Variants in HRH1 observed in about 807,000 individuals in gnomAD.
HRH1 encodes the protein histamine H1 receptor.
HRH1 carries 6 observed loss-of-function variants against 10.3 expected under a neutral mutation model. That is an observed-to-expected ratio of 0.58 (90% CI 0.32 to 1.15). The LOEUF is 1.15. Among genes scored for constraint, HRH1 ranks in the 50% most tolerant of loss-of-function variants. The pLI is 0.05. For synonymous variants in HRH1, 242 were observed against 236.7 expected (o/e 1.02, Z -0.21); for missense variants, 514 against 615.3 (o/e 0.84, Z 1.74).
chr3:11,220,473 C>T lies in HRH1; in HGVS notation c.-35-38530C>T, dbSNP rs190233407. Among the ~76,000 whole-genome samples the T allele has an allele frequency of 1.5e-4, 23 of 152,330 alleles. No homozygotes were observed. The East Asian group carries it at 4.2e-3, about 28-fold the overall frequency. ...CTGCCGGTGCTTGGGTTTCCTACAA[C>T]CCAGTGCAGAGCCTGCAGCCACTCC... On this transcript the variant is annotated intron_variant, in intron 1 of 1. Coordinates refer to ENST00000431010, the MANE Select transcript of HRH1 (RefSeq NM_001098212.2).
intron 1 of HRH1, among the ~76,000 whole-genome samples, chr3:11,232,136 T>C (rs1288982128): frequency 2.6e-5 from 4 of 151,944 alleles, no homozygotes; most frequent in Non-Finnish European, 4.4e-5. Flanking sequence ...TACAGGTGCG[T>C]GCCACCGTGC....
intron 1 of HRH1, among the ~76,000 whole-genome samples, chr3:11,144,429 A>ATAGACCTATAGACG (rs1559249719): frequency 2.3e-5 from 1 of 44,368 alleles, no homozygotes; most frequent in African/African-American, 6.0e-5. Flanking sequence ...GTATATATAC[A>ATAGACCTATAGACG]TATAGACATA....
chr3:11,240,476 A>G (rs965827473), intron 1 of HRH1, among the ~76,000 whole-genome samples: 6 of 151,762 alleles, frequency 4.0e-5, no homozygotes, highest in Admixed American at 1.3e-4. Flanking sequence ...CCCGATCCCT[A>G]CCACTCCCTC....
chr3:11,204,727 C>G (rs1281245863), intron 1 of HRH1, among the ~76,000 whole-genome samples: 1 of 152,222 alleles, frequency 6.6e-6, no homozygotes, highest in Non-Finnish European at 1.5e-5. Context: ...ATCACCATCT[C>G]CAATTTACAA....
In HRH1 at chr3:11,191,834, A is replaced by G. The variant is rs141624612; in HGVS notation, c.-36+37280A>G. 2.1e-3 allele frequency among the ~76,000 whole-genome samples: 318 copies of G among 152,374 alleles called. 2 individuals are homozygous for G. The highest frequency in any genetic ancestry group is 7.3e-3 in the African/African-American group (302 of 41,594). ...CCCCTGCACATTCCTGGCCCAGCCC[A>G]TTAAATGCTATAGCAACCCTAGTCC... On this transcript the variant is annotated intron_variant, in intron 1 of 1. Transcript: ENST00000431010.
At chr3:11,185,855 G>A (rs568920002) in intron 1 of HRH1, among the ~76,000 whole-genome samples, 3 of 152,268 alleles carry the variant, frequency 2.0e-5, no homozygotes, top group South Asian at 2.1e-4. Flanking sequence ...CGTTGTTTAC[G>A]GTAACTTCTG....
intron 1 of HRH1, among the ~76,000 whole-genome samples, chr3:11,224,983 G>A (rs1036579340): frequency 2.6e-5 from 4 of 152,330 alleles, no homozygotes; most frequent in African/African-American, 9.6e-5. Context: ...TACCCAGGCA[G>A]GGAGAAGAGA....
At chr3:11,182,254 T>C (rs1937372305) in intron 1 of HRH1, among the ~76,000 whole-genome samples, 1 of 152,166 alleles carries the variant, frequency 6.6e-6, no homozygotes, top group Non-Finnish European at 1.5e-5. Flanking sequence ...AGTGCTGGGA[T>C]TACAAGTGTG....
At chr3:11,166,971 C>T (rs1937051534) in intron 1 of HRH1, among the ~76,000 whole-genome samples, 1 of 151,314 alleles carries the variant, frequency 6.6e-6, no homozygotes, top group African/African-American at 2.4e-5. Context: ...TCTGCTGCCC[C>T]CTGGCTTCTC....
chr3:11,173,503 T>A (rs568668984), intron 1 of HRH1, among the ~76,000 whole-genome samples: 2 of 151,950 alleles, frequency 1.3e-5, no homozygotes, highest in Admixed American at 6.6e-5. Flanking sequence ...CCCGGGTTCA[T>A]GCCATTCTCT....
At chr3:11,180,723 G>C (rs1416083100) in intron 1 of HRH1, among the ~76,000 whole-genome samples, 2 of 151,986 alleles carry the variant, frequency 1.3e-5, no homozygotes, top group Non-Finnish European at 2.9e-5. Context: ...GTCTGTGAGT[G>C]GTTTTTGTCA....
At position 11,259,605 on chromosome 3, in the gene HRH1, T is replaced by G; in HGVS notation, c.568T>G (p.Phe190Val). 6.2e-7 allele frequency: 1 copy of G among 1,613,972 alleles called. No homozygotes were observed. Among genetic ancestry groups the G allele is most frequent in the South Asian group, 1.1e-5 (1 of 91,060 alleles). ...CETDFYDVTWFKVMTAIINFY... is the reference protein window; with the variant it reads ...CETDFYDVTWVKVMTAIINFY... ...GACAGACTTCTATGATGTCACCTGG[T>G]TCAAGGTCATGACTGCCATCATCAA... Residue 190 changes from phenylalanine to valine, a missense_variant, in exon 2 of 2, where the codon TTC becomes GTC. Phe to Val is a conservative substitution (Grantham distance 50, BLOSUM62 -1). Coordinates refer to ENST00000431010, the MANE Select transcript of HRH1 (RefSeq NM_001098212.2). The surrounding 1 kb of genome is among the most constrained non-coding windows in gnomAD (Gnocchi z 4.6).
intron 1 of HRH1, among the ~76,000 whole-genome samples, chr3:11,145,657 T>C (rs1362696575): frequency 6.6e-6 from 1 of 152,124 alleles, no homozygotes; most frequent in Admixed American, 6.5e-5. Flanking sequence ...TTCAATGAAT[T>C]TTTGCCTGTC....
Position 11,232,886 on chromosome 3 carries a change from C to T in HRH1, c.-35-26117C>T, listed in dbSNP as rs540685113. Among the ~76,000 whole-genome samples, 3 of 152,312 alleles carry T rather than the reference C, an allele frequency of 2.0e-5. No homozygotes were observed. The East Asian group carries it at 5.8e-4, about 29-fold the overall frequency. On this transcript the variant is annotated intron_variant, in intron 1 of 1. Transcript: ENST00000431010. ...TCCCTTTATTCCTTATAGATATTTTCACTGAGTATAAGAGTCTGGGCTGAC... is the reference window on the plus strand; with the variant it reads ...TCCCTTTATTCCTTATAGATATTTTTACTGAGTATAAGAGTCTGGGCTGAC...
intron 1 of HRH1, among the ~76,000 whole-genome samples, chr3:11,190,144 C>T (rs1937513300): frequency 6.6e-6 from 1 of 151,998 alleles, no homozygotes; most frequent in Non-Finnish European, 1.5e-5. Context: ...GCCAAGGACC[C>T]AGGAATGCCT....
rs1474970480 is a variant in HRH1, at chr3:11,154,799, A to G, written c.-36+245A>G. 1.3e-5 allele frequency among the ~76,000 whole-genome samples: 2 copies of G among 152,000 alleles called. No homozygotes were observed. Among genetic ancestry groups the G allele is most frequent in the African/African-American group, 4.8e-5 (2 of 41,398 alleles). On this transcript the variant is annotated intron_variant, in intron 1 of 1. Coordinates refer to ENST00000431010, the MANE Select transcript of HRH1 (RefSeq NM_001098212.2). The surrounding 1 kb of genome is among the most constrained non-coding windows in gnomAD (Gnocchi z 4.4). ...ACTGTGGCCTCAGCACTCGACGCGC[A>G]GACACCTTTAGCTTCCCCGGGCTTG...
intron 1 of HRH1, among the ~76,000 whole-genome samples, chr3:11,139,003 TTTAGAAAGAA>T (rs1301099475): frequency 7.5e-6 from 1 of 134,008 alleles, no homozygotes; most frequent in African/African-American, 2.6e-5. Flanking sequence ...TTTTTTTTTT[TTTAGAAAGAA>T]TTTTGCTCTT....
At chr3:11,258,085 C>G (rs182113868) in intron 1 of HRH1, among the ~76,000 whole-genome samples, 1 of 152,140 alleles carries the variant, frequency 6.6e-6, no homozygotes, top group East Asian at 1.9e-4. Flanking sequence ...TTTCCAATAA[C>G]ATAATCCCCT....
At chr3:11,195,709 C>G (rs1411086824) in intron 1 of HRH1, among the ~76,000 whole-genome samples, 1 of 152,216 alleles carries the variant, frequency 6.6e-6, no homozygotes, top group Admixed American at 6.5e-5. Context: ...CCTCAAGGAG[C>G]TCCTCATAGG....
Sources: allele counts gnomAD v4.1 joint callset (sites outside exome capture counted in the v4.1 genomes callset), GRCh38; gene constraint gnomAD v4.1.1; non-coding constraint Gnocchi (gnomAD v3.1); transcripts MANE v1.5; gene names NCBI Gene and HGNC (gene_info 2026-07-23, HGNC 2026-07-21).